The following CTF1 variants were observed in gnomAD, a reference collection of about 807,000 sequenced individuals.
CTF1 encodes the protein cardiotrophin 1.
A neutral mutation model predicts 10.9 loss-of-function variants in CTF1; 9 were observed. The ratio of observed to expected loss-of-function variants is 0.83; its 90% CI spans 0.50 to 1.44. The LOEUF (loss-of-function observed/expected upper bound fraction) is 1.44. Among genes scored for constraint, CTF1 ranks in the 40% most tolerant of loss-of-function variants. The pLI, the probability that CTF1 is intolerant of heterozygous loss-of-function variation, is 0.00. For missense variants in CTF1, 259 were observed against 275.3 expected (o/e 0.94, Z 0.42); for synonymous variants, 133 against 138.8 (o/e 0.96, Z 0.29).
At position 30,899,465 on chromosome 16, in the gene CTF1, A is replaced by G. The variant is rs1193004435; in HGVS notation, c.76A>G (p.Lys26Glu). Reference sequence around the variant, plus strand: ...CTCACTTCTTCCCCACTTGGAGGCCAAGATCCGTCAGACACACAGCCTTGC... The same window carrying G: ...CTCACTTCTTCCCCACTTGGAGGCCGAGATCCGTCAGACACACAGCCTTGC... ...SVSLLPHLEAKIRQTHSLAHL... is the reference protein window; with the variant it reads ...SVSLLPHLEAEIRQTHSLAHL... The change falls in exon 2 of 3, where the codon AAG becomes GAG. Residue 26 changes from lysine to glutamate, a missense_variant. Lys to Glu is a moderately conservative substitution (Grantham distance 56). Coordinates refer to ENST00000279804, the MANE Select transcript of CTF1 (RefSeq NM_001330.5). The G allele has an allele frequency of 3.1e-6, 5 of 1,613,888 alleles. No individual in the cohort carries two copies. The African/African-American group carries it at 4.0e-5, about 13-fold the overall frequency.
intron 1 of CTF1, among the ~76,000 whole-genome samples, chr16:30,897,373 T>G (rs1346207771): frequency 6.6e-6 from 1 of 152,098 alleles, no homozygotes; most frequent in African/African-American, 2.4e-5. Context: ...GTTCTGTACT[T>G]CGATGATGTT....
In CTF1 at chr16:30,902,488, G is replaced by A. The variant is rs2143248137; in HGVS notation, c.555G>A (p.Leu185=). 1 of 1,486,284 alleles carries A rather than the reference G, an allele frequency of 6.7e-7. No homozygotes were observed. The highest frequency in any genetic ancestry group is 1.2e-5 in the South Asian group (1 of 80,236). 92.1% of individuals were successfully genotyped at this position (1,486,284 alleles called of 1,614,324 possible). Residue 185 remains leucine (L), a synonymous_variant, in exon 3 of 3, where the codon CTG becomes CTA. Transcript: ENST00000279804. ...LRVCGLYREW[L]SRTEGDLGQL... is the part of the protein sequence containing the mutation. Reference sequence around the variant, plus strand: ...TTTGCGGCCTCTACCGCGAGTGGCTGAGCCGCACCGAGGGCGACCTGGGCC... The same window carrying A: ...TTTGCGGCCTCTACCGCGAGTGGCTAAGCCGCACCGAGGGCGACCTGGGCC...
chr16:30,897,794 G>C (rs762669989), intron 1 of CTF1, among the ~76,000 whole-genome samples: 2 of 152,146 alleles, frequency 1.3e-5, no homozygotes, highest in African/African-American at 2.4e-5. Flanking sequence ...GGTCGAGGCT[G>C]CAGTGAGCCA....
rs1333582477 is a variant in CTF1 at position 30,902,003 on chromosome 16, G to A, written c.145-75G>A. On this transcript the variant is annotated intron_variant, in intron 2 of 2. Transcript: ENST00000279804. ...GAGGAAACTGACACCCCCAGAGAGCGGGTTGGAGAGCCCAGTTAACAGCCC... is the reference window on the plus strand; with the variant it reads ...GAGGAAACTGACACCCCCAGAGAGCAGGTTGGAGAGCCCAGTTAACAGCCC... 6.3e-6 allele frequency: 8 copies of A among 1,277,286 alleles called. No homozygotes were observed. In the East Asian group the frequency reaches 1.0e-4, roughly 16 times the overall value. 79.1% of individuals were successfully genotyped at this position (1,277,286 alleles called of 1,614,324 possible). A position where few individuals can be genotyped will look rare whatever the true frequency, so the allele number is the denominator to read the frequency against.
chr16:30,896,681 G>A lies in CTF1; in HGVS notation c.25+13G>A, dbSNP rs2055353652. 1.2e-5 allele frequency: 15 copies of A among 1,252,292 alleles called. No homozygotes were observed. The highest frequency in any genetic ancestry group is 1.3e-5 in the Non-Finnish European group (13 of 989,936). 77.6% of individuals were successfully genotyped at this position (1,252,292 alleles called of 1,614,324 possible). Reference sequence around the variant, plus strand: ...GAGGGAAGTCTGGGTAAGGGGCTGAGGGACCGGACGCCGGGTCGCTGAGGG... The same window carrying A: ...GAGGGAAGTCTGGGTAAGGGGCTGAAGGACCGGACGCCGGGTCGCTGAGGG... On this transcript the variant is annotated intron_variant, in intron 1 of 2. Transcript: ENST00000279804.
Position 30,902,261 on chromosome 16 carries a change from G to T in CTF1, c.328G>T (p.Glu110Ter). 1.8e-6 allele frequency: 2 copies of T among 1,082,888 alleles called. No homozygotes were observed. The highest frequency in any genetic ancestry group is 2.2e-6 in the Non-Finnish European group (2 of 894,994). 67.1% of individuals were successfully genotyped at this position (1,082,888 alleles called of 1,614,324 possible). A position where few individuals can be genotyped will look rare whatever the true frequency, so the allele number is the denominator to read the frequency against. The change falls in exon 3 of 3, where the codon GAG becomes TAG. Residue 110 changes from glutamate to a stop codon, truncating the protein, a stop_gained. Transcript: ENST00000279804. LOFTEE classifies it high-confidence loss of function. ...LLDAVCRRQA[E>*]LNPRAPRLLR... ...GGACGCAGTGTGTCGCCGCCAGGCC[G>T]AGCTGAACCCGCGCGCGCCGCGCCT...
chr16:30,898,253 C>T (rs2055371552), intron 1 of CTF1, among the ~76,000 whole-genome samples: 1 of 151,868 alleles, frequency 6.6e-6, no homozygotes, highest in Non-Finnish European at 1.5e-5. Flanking sequence ...CCTCCTCCTC[C>T]CAGGTTCAAG....
At chr16:30,896,794 C>T in intron 1 of CTF1, 126 bp downstream of exon 1, 1 of 800,844 alleles carries the variant, frequency 1.2e-6, no homozygotes, top group Non-Finnish European at 1.7e-6. Context: ...CGGGGAAGGG[C>T]AGGGCTCCGG....
chr16:30,901,245 T>G (rs2055398210), intron 2 of CTF1, among the ~76,000 whole-genome samples: 3 of 152,156 alleles, frequency 2.0e-5, no homozygotes, highest in African/African-American at 7.2e-5. Context: ...ATTGAGCCCC[T>G]GCTCAATGCA....
At chr16:30,899,263 A>T (rs2055380580) in intron 1 of CTF1, 152 bp from the exon 2 acceptor site, 2 of 760,926 alleles carry the variant, frequency 2.6e-6, no homozygotes, top group African/African-American at 1.7e-5. Flanking sequence ...CATTTCAGGT[A>T]GACCACCTGC....
intron 1 of CTF1, 96 bp downstream of exon 1, chr16:30,896,764 C>CCCCAGATT (rs1375562200): frequency 2.6e-6 from 3 of 1,144,202 alleles, no homozygotes; most frequent in Middle Eastern, 3.2e-4. Flanking sequence ...CCCCCGGGTC[C>CCCCAGATT]GGGAGGGGAG....
At position 30,899,944 on chromosome 16, in the gene CTF1, G is replaced by C. The variant is rs376512919; in HGVS notation, c.144+411G>C. Among the ~76,000 whole-genome samples the C allele has an allele frequency of 7.9e-5, 12 of 152,254 alleles. No individual in the cohort carries two copies. The East Asian group carries it at 1.7e-3, about 22-fold the overall frequency. ...TTTTTTCATTATTTTGTAGAGGCAGGGTCTTGCTGTATTGCCCAGGCTGGT... is the reference window on the plus strand; with the variant it reads ...TTTTTTCATTATTTTGTAGAGGCAGCGTCTTGCTGTATTGCCCAGGCTGGT... On this transcript the variant is annotated intron_variant, in intron 2 of 2. Coordinates refer to ENST00000279804, the MANE Select transcript of CTF1 (RefSeq NM_001330.5).
At position 30,899,402 on chromosome 16, in the gene CTF1, C is replaced by A. The variant is rs200729865; in HGVS notation, c.26-13C>A. ...AGGTTGGCCATCCTCATTCCTCCCCCCTTTCCCACCAGAAGACCCCCAGAC... is the reference window on the plus strand; with the variant it reads ...AGGTTGGCCATCCTCATTCCTCCCCACTTTCCCACCAGAAGACCCCCAGAC... On this transcript the variant is annotated splice_polypyrimidine_tract_variant and intron_variant, in intron 1 of 2. Coordinates refer to ENST00000279804, the MANE Select transcript of CTF1 (RefSeq NM_001330.5). 1.7e-5 allele frequency: 27 copies of A among 1,554,268 alleles called. No individual in the cohort carries two copies. Among genetic ancestry groups the A allele is most frequent in the Admixed American group, 5.0e-5 (3 of 59,930 alleles).
intron 1 of CTF1, among the ~76,000 whole-genome samples, chr16:30,897,504 G>A (rs542932548): frequency 2.0e-5 from 3 of 152,258 alleles, no homozygotes; most frequent in Non-Finnish European, 2.9e-5. Context: ...TCATGCAAAT[G>A]GCCTTAAGTC....
rs2055417839 is a variant in CTF1, at chr16:30,902,758, A to G, written c.*219A>G. On this transcript the variant is annotated 3_prime_UTR_variant, in exon 3 of 3. Coordinates refer to ENST00000279804, the MANE Select transcript of CTF1 (RefSeq NM_001330.5). ...GGCGCGATCCCAGCACTGCAGCCTC[A>G]ACCTCCTGGGCTCAAGCCATCCTTC... The G allele has an allele frequency of 1.8e-6, 1 of 555,890 alleles. No homozygotes were observed. 34.4% of individuals were successfully genotyped at this position (555,890 alleles called of 1,614,324 possible). A position where few individuals can be genotyped will look rare whatever the true frequency, so the allele number is the denominator to read the frequency against.
At chr16:30,898,468 T>C (rs2055373322) in intron 1 of CTF1, among the ~76,000 whole-genome samples, 1 of 152,134 alleles carries the variant, frequency 6.6e-6, no homozygotes, top group African/African-American at 2.4e-5. Flanking sequence ...AATTTTTGTA[T>C]TTTTAGTAGA....
Position 30,902,602 on chromosome 16 carries a change from G to C in CTF1, c.*63G>C. The C allele has an allele frequency of 1.4e-6, 2 of 1,430,284 alleles. No individual in the cohort carries two copies. The highest frequency in any genetic ancestry group is 1.8e-6 in the Non-Finnish European group (2 of 1,087,896). The allele number at this position is 1,430,284 out of a possible 1,614,324, so 88.6% of individuals were successfully genotyped here. A position where few individuals can be genotyped will look rare whatever the true frequency, so the allele number is the denominator to read the frequency against. On this transcript the variant is annotated 3_prime_UTR_variant, in exon 3 of 3. Coordinates refer to ENST00000279804, the MANE Select transcript of CTF1 (RefSeq NM_001330.5). ...GTTCCGTCTCTCCTTCCGCTTCTTT[G>C]TCTTTCTCTGCCGCTGTCGGTGTCT...
chr16:30,896,504 G>C (rs1567329323), upstream of CTF1: 2 of 778,750 alleles, frequency 2.6e-6, no homozygotes, highest in South Asian at 1.3e-4. Context: ...AAGGAATCCT[G>C]TCTCAAAAGG....
intron 2 of CTF1, 35 bp from the exon 3 acceptor site, chr16:30,902,043 G>A (rs1379646780): frequency 7.0e-7 from 1 of 1,430,814 alleles, no homozygotes; most frequent in Non-Finnish European, 9.2e-7. Context: ...CCCGTGCTCC[G>A]GGGCCCCGCT....
Sources: allele counts gnomAD v4.1 joint callset (sites outside exome capture counted in the v4.1 genomes callset), GRCh38; gene constraint gnomAD v4.1.1; transcripts MANE v1.5; gene names NCBI Gene and HGNC (gene_info 2026-07-23, HGNC 2026-07-21).